GRID1: variants seen among roughly 807,000 people sequenced by gnomAD.
GRID1 encodes the protein glutamate ionotropic receptor delta type subunit 1.
Under a neutral mutation model 98.0 loss-of-function variants are expected in GRID1, and 28 were observed. The ratio of observed to expected loss-of-function variants is 0.29; its 90% CI spans 0.21 to 0.39. The LOEUF (loss-of-function observed/expected upper bound fraction) is 0.39, where lower values mean the gene tolerates loss of function less well. GRID1 is among the 10% of genes least tolerant of loss of function. GRID1 has a pLI of 1.00. For missense variants in GRID1, 1,111 were observed against 1,340.5 expected (o/e 0.83, Z 2.67); for synonymous variants, 553 against 538.5 (o/e 1.03, Z -0.37).
In GRID1 at chr10:85,896,608, C is replaced by T. The variant is rs141056842; in HGVS notation, c.780+19578G>A. On this transcript the variant is annotated intron_variant, in intron 5 of 15. Transcript: ENST00000327946. ...AACCATGTCACAAAATAGAAGTAGA[C>T]GTGATGATCAATCAAGAAATATTAA... is the stretch of plus-strand genomic sequence containing the variant. 7.2e-5 allele frequency among the ~76,000 whole-genome samples: 11 copies of T among 152,206 alleles called. 1 individual carries two copies. In the East Asian group the frequency reaches 7.7e-4, roughly 11 times the overall value.
intron 4 of GRID1, among the ~76,000 whole-genome samples, chr10:86,007,498 G>A (rs994220531): frequency 5.9e-5 from 9 of 152,322 alleles, no homozygotes; most frequent in Non-Finnish European, 1.0e-4. Flanking sequence ...AGGGAAGTTA[G>A]AGCAAACACA....
chr10:85,848,477 T>C (rs1843027349), intron 8 of GRID1, among the ~76,000 whole-genome samples: 1 of 152,264 alleles, frequency 6.6e-6, no homozygotes, highest in Middle Eastern at 3.4e-3. Context: ...TTGTAAAGCA[T>C]AGTTAAAGAA....
intron 13 of GRID1, among the ~76,000 whole-genome samples, chr10:85,623,541 T>C (rs1842879855): frequency 1.3e-5 from 2 of 152,178 alleles, no homozygotes; most frequent in African/African-American, 4.8e-5. Flanking sequence ...TACGGGGGGC[T>C]GGGGGGAGGA....
intron 2 of GRID1, among the ~76,000 whole-genome samples, chr10:86,222,503 A>T (rs1206573544): frequency 6.6e-6 from 1 of 152,118 alleles, no homozygotes; most frequent in Non-Finnish European, 1.5e-5. Flanking sequence ...AGCCCCATAG[A>T]AACCATGCAT....
At chr10:86,120,539 G>GA (rs1388966562) in intron 4 of GRID1, among the ~76,000 whole-genome samples, 1 of 152,086 alleles carries the variant, frequency 6.6e-6, no homozygotes, top group South Asian at 2.1e-4. Flanking sequence ...AATGACTTTG[G>GA]AAAAAAAGGG....
At chr10:86,319,770 CTT>C (rs1456259670) in intron 2 of GRID1, among the ~76,000 whole-genome samples, 1 of 152,222 alleles carries the variant, frequency 6.6e-6, no homozygotes, top group African/African-American at 2.4e-5. Flanking sequence ...CTGCTGATGG[CTT>C]TCAGGAGGAT....
At chr10:85,998,900 A>G (rs1192476308) in intron 4 of GRID1, among the ~76,000 whole-genome samples, 2 of 152,242 alleles carry the variant, frequency 1.3e-5, no homozygotes, top group East Asian at 1.9e-4. Context: ...TAGATGACAT[A>G]GAACACCAAC....
chr10:85,803,618 T>G (rs1842596763), intron 8 of GRID1, among the ~76,000 whole-genome samples: 1 of 151,862 alleles, frequency 6.6e-6, no homozygotes, highest in South Asian at 2.1e-4. Context: ...AAGCTCTAAA[T>G]AAAGAAATTT....
At chr10:85,900,317 T>A (rs1349817292) in intron 5 of GRID1, among the ~76,000 whole-genome samples, 1 of 152,102 alleles carries the variant, frequency 6.6e-6, no homozygotes, top group Non-Finnish European at 1.5e-5. Flanking sequence ...GGAGGTGTAA[T>A]AACAGGGTAG....
intron 8 of GRID1, among the ~76,000 whole-genome samples, chr10:85,776,600 C>T (rs1161374283): frequency 6.6e-6 from 1 of 152,158 alleles, no homozygotes; most frequent in Admixed American, 6.5e-5. Context: ...GAGATCACTG[C>T]TTGGAAGCCA....
intron 4 of GRID1, among the ~76,000 whole-genome samples, chr10:85,928,321 T>C (rs1372376239): frequency 1.3e-5 from 2 of 152,262 alleles, no homozygotes; most frequent in African/African-American, 4.8e-5. Flanking sequence ...ACATAAAGTT[T>C]GGGAGAGATG....
intron 3 of GRID1, among the ~76,000 whole-genome samples, chr10:86,201,000 A>T (rs1478292159): frequency 6.6e-6 from 1 of 152,206 alleles, no homozygotes; most frequent in Non-Finnish European, 1.5e-5. Flanking sequence ...GCTTTGGAAA[A>T]CAGTTTGGTC....
chr10:86,225,222 G>A (rs1222660945), intron 2 of GRID1, among the ~76,000 whole-genome samples: 1 of 152,136 alleles, frequency 6.6e-6, no homozygotes, highest in Non-Finnish European at 1.5e-5. Context: ...TCAGTGACTT[G>A]TCCAGGAGCC....
chr10:86,301,402 G>A (rs896982269), intron 2 of GRID1, among the ~76,000 whole-genome samples: 1 of 152,252 alleles, frequency 6.6e-6, no homozygotes, highest in South Asian at 2.1e-4. Context: ...GTGTGGCTAA[G>A]CCACAGCATA....
intron 4 of GRID1, among the ~76,000 whole-genome samples, chr10:86,124,408 C>A (rs934084004): frequency 1.8e-4 from 27 of 152,194 alleles, no homozygotes; most frequent in Non-Finnish European, 3.1e-4. Flanking sequence ...AGCCTCAGGA[C>A]CACATGACAT....
intron 8 of GRID1, among the ~76,000 whole-genome samples, chr10:85,811,442 C>T (rs1460394620): frequency 4.6e-5 from 7 of 151,930 alleles, no homozygotes; most frequent in Middle Eastern, 3.4e-3. Flanking sequence ...TATAAATAAA[C>T]GATTCAATTA....
At chr10:86,227,348 A>G (rs2132033625) in intron 2 of GRID1, among the ~76,000 whole-genome samples, 1 of 152,230 alleles carries the variant, frequency 6.6e-6, no homozygotes, top group Admixed American at 6.5e-5. Flanking sequence ...TGGAGAGCTC[A>G]TAGTACTCCC....
At position 86,256,745 on chromosome 10, in the gene GRID1, G is replaced by A. The variant is rs139140688; in HGVS notation, c.236-50097C>T. Among the ~76,000 whole-genome samples the A allele has an allele frequency of 3.3e-5, 5 of 152,306 alleles. No homozygotes were observed. In the East Asian group the frequency reaches 9.7e-4, roughly 29 times the overall value. On this transcript the variant is annotated intron_variant, in intron 2 of 15. Transcript: ENST00000327946. ...CTGGTGAGCTGCCTATTCTGCTGGTGTCTCCCGTCCACTCTGTTGTGTGCC... is the reference window on the plus strand; with the variant it reads ...CTGGTGAGCTGCCTATTCTGCTGGTATCTCCCGTCCACTCTGTTGTGTGCC...
chr10:85,852,883 T>C lies in GRID1; in HGVS notation c.1233+1613A>G, dbSNP rs574269880. ...TGGCCCTACATGGGAAGTCACAGAA[T>C]AGTTGCTAGCCGACTCCCTCTAGGA... On this transcript the variant is annotated intron_variant, in intron 8 of 15. Transcript: ENST00000327946. Among the ~76,000 whole-genome samples, 4 of 152,188 alleles carry C rather than the reference T, an allele frequency of 2.6e-5. No individual in the cohort carries two copies. The South Asian group carries it at 8.3e-4, about 32-fold the overall frequency.
Sources: allele counts gnomAD v4.1 joint callset (sites outside exome capture counted in the v4.1 genomes callset), GRCh38; gene constraint gnomAD v4.1.1; transcripts MANE v1.5; gene names NCBI Gene and HGNC (gene_info 2026-07-23, HGNC 2026-07-21).